The following TDRD3 variants were observed in gnomAD, a reference collection of about 807,000 sequenced individuals.
The protein encoded by TDRD3 is tudor domain-containing protein 3.
TDRD3 carries 45 observed loss-of-function variants against 86.7 expected under a neutral mutation model. The observed-to-expected ratio is 0.52, with a 90% CI of 0.41 to 0.67. The LOEUF is 0.67. TDRD3 is among the 30% of genes least tolerant of loss of function. The pLI, the probability that TDRD3 is intolerant of heterozygous loss-of-function variation, is 0.00. For missense variants in TDRD3, 814 were observed against 889.0 expected (o/e 0.92, Z 1.07); for synonymous variants, 298 against 301.7 (o/e 0.99, Z 0.13).
intron 1 of TDRD3, among the ~76,000 whole-genome samples, chr13:60,403,417 A>G (rs545878479): frequency 2.0e-5 from 3 of 152,366 alleles, no homozygotes; most frequent in South Asian, 4.1e-4. Context: ...GTTAAGTGCC[A>G]TCAGTCTAGA....
At chr13:60,497,996 A>G (rs1956753732) in intron 8 of TDRD3, among the ~76,000 whole-genome samples, 1 of 152,122 alleles carries the variant, frequency 6.6e-6, no homozygotes, top group Non-Finnish European at 1.5e-5. Context: ...GGGTTAAAAA[A>G]AAAGGCTAAT....
intron 7 of TDRD3, among the ~76,000 whole-genome samples, chr13:60,486,958 TAATC>T (rs1956452760): frequency 6.6e-6 from 1 of 152,206 alleles, no homozygotes; most frequent in African/African-American, 2.4e-5. Flanking sequence ...AACTGAATAA[TAATC>T]CATTATGTGT....
At chr13:60,556,420 G>A (rs1201381544) in intron 12 of TDRD3, among the ~76,000 whole-genome samples, 1 of 152,150 alleles carries the variant, frequency 6.6e-6, no homozygotes, top group African/African-American at 2.4e-5. Context: ...ATAATACTGT[G>A]CCAAAATAAT....
At chr13:60,563,611 A>G (rs141196732) in intron 12 of TDRD3, among the ~76,000 whole-genome samples, 3 of 152,110 alleles carry the variant, frequency 2.0e-5, no homozygotes, top group East Asian at 1.9e-4. Context: ...GGGAATAACA[A>G]CTCCTTCCAG....
chr13:60,549,992 G>C (rs187348722), intron 12 of TDRD3, among the ~76,000 whole-genome samples: 28 of 151,970 alleles, frequency 1.8e-4, no homozygotes, highest in African/African-American at 6.5e-4. Context: ...ATCTTGTTGT[G>C]GCATTGAATA....
At chr13:60,436,108 G>GTT (rs199775571) in intron 1 of TDRD3, among the ~76,000 whole-genome samples, 2 of 137,786 alleles carry the variant, frequency 1.5e-5, no homozygotes, top group African/African-American at 2.7e-5. Flanking sequence ...TGGATGGGTT[G>GTT]TTTTTTTTTT....
chr13:60,530,962 A>G (rs1957569957), intron 11 of TDRD3, among the ~76,000 whole-genome samples: 1 of 152,182 alleles, frequency 6.6e-6, no homozygotes, highest in Admixed American at 6.5e-5. Flanking sequence ...ATAATGAGGT[A>G]TAAGCAGAGT....
In TDRD3 at chr13:60,567,647, A is replaced by G. The variant is rs1191178683; in HGVS notation, c.*6A>G. 1 of 1,613,846 alleles carries G rather than the reference A, an allele frequency of 6.2e-7. No homozygotes were observed. Among genetic ancestry groups the G allele is most frequent in the South Asian group, 1.1e-5 (1 of 90,932 alleles). On this transcript the variant is annotated 3_prime_UTR_variant, in exon 13 of 14. Coordinates refer to ENST00000377881, the MANE Select transcript of TDRD3 (RefSeq NM_001146070.2). ...CACCCCGGGCTCGGAACTAATAGGA[A>G]AAGGTAAACTTAACATTGTGAAGTG...
intron 1 of TDRD3, among the ~76,000 whole-genome samples, chr13:60,398,684 C>A (rs1954009771): frequency 6.6e-6 from 1 of 152,246 alleles, no homozygotes; most frequent in South Asian, 2.1e-4. Flanking sequence ...AATGACATAG[C>A]TAGAAAGTGG....
At chr13:60,511,988 T>G (rs1957068888) in intron 10 of TDRD3, among the ~76,000 whole-genome samples, 1 of 152,148 alleles carries the variant, frequency 6.6e-6, no homozygotes, top group African/African-American at 2.4e-5. Flanking sequence ...TTTCCTTTCA[T>G]CCTCCTGTCC....
At chr13:60,416,330 A>T (rs1287753157) in intron 1 of TDRD3, among the ~76,000 whole-genome samples, 1 of 151,528 alleles carries the variant, frequency 6.6e-6, no homozygotes, top group Non-Finnish European at 1.5e-5. Context: ...TTTACAAAAC[A>T]GTGATTATTG....
chr13:60,449,547 T>G (rs1296664456), intron 3 of TDRD3, among the ~76,000 whole-genome samples: 3 of 152,158 alleles, frequency 2.0e-5, no homozygotes, highest in Admixed American at 6.5e-5. Context: ...CATACTTTCC[T>G]TGTATTCATT....
chr13:60,557,915 C>T (rs557422989), intron 12 of TDRD3, among the ~76,000 whole-genome samples: 7 of 149,946 alleles, frequency 4.7e-5, no homozygotes, highest in South Asian at 4.3e-4. Flanking sequence ...CTCCACCTCC[C>T]GGGTTCAAGT....
At chr13:60,542,962 C>G (rs1010545081) in intron 12 of TDRD3, among the ~76,000 whole-genome samples, 4 of 152,082 alleles carry the variant, frequency 2.6e-5, no homozygotes, top group African/African-American at 9.7e-5. Context: ...TGTCATACCT[C>G]TAGTAAAAGA....
At chr13:60,397,495 G>A (rs1953953968) in intron 1 of TDRD3, 90 bp downstream of exon 1, 1 of 1,134,266 alleles carries the variant, frequency 8.8e-7, no homozygotes, top group Non-Finnish European at 1.2e-6. Flanking sequence ...TGCGTGTCGG[G>A]GTAGGCGGAG....
At chr13:60,410,858 CTT>C (rs1265181563) in intron 1 of TDRD3, among the ~76,000 whole-genome samples, 3 of 151,960 alleles carry the variant, frequency 2.0e-5, no homozygotes, top group Non-Finnish European at 4.4e-5. Flanking sequence ...GGATTTTTTG[CTT>C]TGGTTTTATG....
At chr13:60,565,971 G>A (rs1248601191) in intron 12 of TDRD3, among the ~76,000 whole-genome samples, 1 of 152,128 alleles carries the variant, frequency 6.6e-6, no homozygotes, top group Non-Finnish European at 1.5e-5. Flanking sequence ...AAGGGATATA[G>A]GGAAAGGAAA....
At chr13:60,564,972 T>C (rs2137979146) in intron 12 of TDRD3, among the ~76,000 whole-genome samples, 1 of 151,280 alleles carries the variant, frequency 6.6e-6, no homozygotes, top group African/African-American at 2.4e-5. Context: ...GCAGGATGAG[T>C]ATTTAAAAGT....
At chr13:60,519,305 T>C (rs1351952088) in intron 10 of TDRD3, among the ~76,000 whole-genome samples, 1 of 152,218 alleles carries the variant, frequency 6.6e-6, no homozygotes, top group Non-Finnish European at 1.5e-5. Context: ...CATCTGTAAA[T>C]GCAAAATATA....
Sources: gnomAD v4.1 joint callset for allele counts (sites outside exome capture counted in the v4.1 genomes callset) on GRCh38, gnomAD v4.1.1 for gene constraint, MANE v1.5 for transcripts, NCBI Gene and HGNC (gene_info 2026-07-23, HGNC 2026-07-21) for gene names.